The following PHF8 variants were observed in gnomAD, a reference collection of about 807,000 sequenced individuals.
PHF8 encodes the protein histone lysine demethylase PHF8.
A neutral mutation model predicts 74.4 loss-of-function variants in PHF8; 9 were observed. That is an observed-to-expected ratio of 0.12 (90% CI 0.07 to 0.21). The LOEUF (loss-of-function observed/expected upper bound fraction) is 0.21. PHF8 is among the 10% of genes least tolerant of loss of function. PHF8 has a pLI of 1.00. For synonymous variants in PHF8, 311 were observed against 316.6 expected (o/e 0.98, Z 0.19); for missense variants, 478 against 816.6 (o/e 0.59, Z 5.05).
intron 2 of PHF8, among the ~76,000 whole-genome samples, chrX:54,036,592 AAAAAAAAAC>A (rs1308225417): frequency 9.5e-6 from 1 of 105,704 alleles, no homozygotes; most frequent in African/African-American, 3.5e-5. Context: ...AAAAAAAAAA[AAAAAAAAAC>A]TTTTTTTTTT....
intron 7 of PHF8, among the ~76,000 whole-genome samples, chrX:54,012,664 C>T (rs1171257695): frequency 1.8e-5 from 2 of 111,107 alleles, no homozygotes; most frequent in African/African-American, 6.5e-5. Flanking sequence ...TGTCTGGACA[C>T]AGTGGCTCAC....
At chrX:53,944,037 G>T in intron 20 of PHF8, 97 bp downstream of exon 20, 1 of 542,281 alleles carries the variant, frequency 1.8e-6, no homozygotes, top group South Asian at 2.4e-5. Context: ...TCCCCATTGA[G>T]ACAAAGGTGG....
intron 19 of PHF8, among the ~76,000 whole-genome samples, chrX:53,946,592 A>G (rs1206264361): frequency 8.9e-6 from 1 of 112,201 alleles, no homozygotes; most frequent in Non-Finnish European, 1.9e-5. Flanking sequence ...GTCAACAACA[A>G]ATCAATAGCA....
intron 19 of PHF8, among the ~76,000 whole-genome samples, chrX:53,947,119 C>T (rs1326872742): frequency 9.0e-6 from 1 of 111,458 alleles, no homozygotes; most frequent in Non-Finnish European, 1.9e-5. Flanking sequence ...TCAAGCTATT[C>T]TCCTGCCTCA....
intron 19 of PHF8, among the ~76,000 whole-genome samples, chrX:53,945,344 CAA>C (rs1286849781): frequency 9.3e-5 from 6 of 64,838 alleles, no homozygotes; most frequent in Admixed American, 1.8e-4. Flanking sequence ...GACTCCATCT[CAA>C]AAAAAAAAAA....
At chrX:54,003,047 T>C (rs1374743642) in intron 8 of PHF8, among the ~76,000 whole-genome samples, 1 of 112,112 alleles carries the variant, frequency 8.9e-6, no homozygotes, top group Non-Finnish European at 1.9e-5. Flanking sequence ...CTAGATATTA[T>C]AGAGATTTGC....
intron 5 of PHF8, among the ~76,000 whole-genome samples, 174 bp from the exon 6 acceptor site, chrX:54,016,910 T>C (rs190075926): frequency 8.9e-6 from 1 of 112,102 alleles, no homozygotes; most frequent in African/African-American, 3.2e-5. Flanking sequence ...CGCACTTTCC[T>C]TAGATCTATG....
intron 2 of PHF8, among the ~76,000 whole-genome samples, chrX:54,025,028 C>T (rs1396064478): frequency 7.3e-5 from 8 of 109,972 alleles, no homozygotes; most frequent in Non-Finnish European, 1.5e-4. Context: ...AGGCGCCCAC[C>T]ACCACGCCCA....
At chrX:54,011,057 G>A in intron 8 of PHF8, 65 bp downstream of exon 8, 1 of 982,325 alleles carries the variant, frequency 1.0e-6, no homozygotes, top group Admixed American at 2.2e-5. Flanking sequence ...ATATGCTGTG[G>A]GGCCAAAAGC....
chrX:53,976,471 A>C (rs147211355), intron 18 of PHF8, among the ~76,000 whole-genome samples: 2,279 of 110,531 alleles, frequency 0.021, 25 homozygotes, highest in Non-Finnish European at 0.03. Flanking sequence ...AAAACATAGA[A>C]AATGAAACCA....
chrX:53,973,911 T>TA (rs1447478403), intron 18 of PHF8, among the ~76,000 whole-genome samples: 1 of 111,308 alleles, frequency 9.0e-6, no homozygotes, highest in Admixed American at 9.6e-5. Flanking sequence ...AAAGGTATAA[T>TA]ATCCAGAGTC....
chrX:53,940,812 G>A (rs41306896), intron 20 of PHF8, among the ~76,000 whole-genome samples: 1,251 of 112,493 alleles, frequency 0.011, 9 homozygotes, highest in Non-Finnish European at 0.016. Flanking sequence ...CACTAATGAG[G>A]TAGACCTTGG....
intron 14 of PHF8, among the ~76,000 whole-genome samples, chrX:53,991,205 ATTCT>A (rs1557101265): frequency 8.9e-6 from 1 of 112,314 alleles, no homozygotes; most frequent in East Asian, 2.8e-4. Context: ...CTTTTATTTT[ATTCT>A]TTTAGAACTT....
chrX:53,938,325 A>T lies in PHF8; in HGVS notation c.*833T>A, dbSNP rs900205755. Reference sequence around the variant, plus strand: ...CACCTGCCAGGGCCCAGCCACAGCCACAGCCACAGCCACGTGGATAATGTT... The same window carrying T: ...CACCTGCCAGGGCCCAGCCACAGCCTCAGCCACAGCCACGTGGATAATGTT... On this transcript the variant is annotated 3_prime_UTR_variant, in exon 22 of 22. Transcript: ENST00000338154. The T allele has an allele frequency of 4.7e-5, 47 of 996,695 alleles. No homozygotes were observed. The highest frequency in any genetic ancestry group is 5.8e-5 in the Non-Finnish European group (46 of 789,000). The allele number at this position is 996,695 out of a possible 1,213,427, so 82.1% of individuals were successfully genotyped here.
intron 4 of PHF8, 52 bp from the exon 5 acceptor site, chrX:54,017,873 C>T (rs1557108720): frequency 6.2e-6 from 7 of 1,133,728 alleles, no homozygotes; most frequent in African/African-American, 1.8e-5. Flanking sequence ...CCACTAAAGG[C>T]CTTATTGGAG....
At chrX:54,015,832 C>T (rs1290486016) in intron 6 of PHF8, among the ~76,000 whole-genome samples, 5 of 110,962 alleles carry the variant, frequency 4.5e-5, no homozygotes, top group African/African-American at 6.5e-5. Context: ...AGACTATATA[C>T]GTATCTACTG....
chrX:53,943,206 A>G, intron 20 of PHF8: 1 of 936,635 alleles, frequency 1.1e-6, no homozygotes, highest in Non-Finnish European at 1.4e-6. Flanking sequence ...TACATAAGAG[A>G]CAGAAGTTCT....
At chrX:53,939,460 A>G (rs1557082784) in intron 21 of PHF8, among the ~76,000 whole-genome samples, 1 of 110,466 alleles carries the variant, frequency 9.1e-6, no homozygotes. Context: ...TAGCAGCAAG[A>G]CTCCCTGATT....
chrX:53,957,190 CA>C (rs11329889), intron 19 of PHF8, among the ~76,000 whole-genome samples: 17,390 of 81,355 alleles, frequency 0.21, 3,282 homozygotes, highest in African/African-American at 0.58. Flanking sequence ...ACTAAAAATA[CA>C]AAAAAAAAAA....
Sources: gnomAD v4.1 joint callset for allele counts (sites outside exome capture counted in the v4.1 genomes callset) on GRCh38, gnomAD v4.1.1 for gene constraint, MANE v1.5 for transcripts, NCBI Gene and HGNC (gene_info 2026-07-23, HGNC 2026-07-21) for gene names.